The following CLSTN2 variants were observed in gnomAD, a reference collection of about 807,000 sequenced individuals.
The protein encoded by CLSTN2 is calsyntenin-2.
CLSTN2 carries 48 observed loss-of-function variants against 101.2 expected under a neutral mutation model. The observed-to-expected ratio is 0.47, with a 90% CI of 0.38 to 0.60. The LOEUF is 0.60. Among genes scored for constraint, CLSTN2 ranks in the 20% least tolerant of loss-of-function variants. The pLI is 0.00. For missense variants in CLSTN2, 1,160 were observed against 1,238.2 expected (o/e 0.94, Z 0.95); for synonymous variants, 481 against 463.6 (o/e 1.04, Z -0.48).
intron 1 of CLSTN2, among the ~76,000 whole-genome samples, chr3:140,138,868 G>GT (rs2009654839): frequency 6.6e-6 from 1 of 152,188 alleles, no homozygotes; most frequent in Non-Finnish European, 1.5e-5. Flanking sequence ...TTTTTAAGAG[G>GT]CAGTGTCGGC....
chr3:140,333,879 T>G (rs901757903), intron 2 of CLSTN2, among the ~76,000 whole-genome samples: 5 of 152,286 alleles, frequency 3.3e-5, no homozygotes, highest in Admixed American at 3.3e-4. Context: ...CAGCTCCATA[T>G]TCAGTCCTCT....
At chr3:140,012,377 A>G (rs1447722667) in intron 1 of CLSTN2, among the ~76,000 whole-genome samples, 1 of 152,168 alleles carries the variant, frequency 6.6e-6, no homozygotes, top group African/African-American at 2.4e-5. Context: ...CAATAAAAAC[A>G]TGTATTTATC....
intron 2 of CLSTN2, among the ~76,000 whole-genome samples, chr3:140,357,353 G>T (rs6779267): frequency 6.6e-6 from 1 of 151,996 alleles, no homozygotes; most frequent in Non-Finnish European, 1.5e-5. Context: ...CCAGAAAGAT[G>T]AACTCACCCT....
chr3:140,494,651 GC>G (rs1247898075), intron 8 of CLSTN2, among the ~76,000 whole-genome samples: 3 of 152,034 alleles, frequency 2.0e-5, no homozygotes, highest in African/African-American at 4.8e-5. Flanking sequence ...TGTGTGTTGT[GC>G]CCCCTAATGT....
At chr3:140,205,800 C>A (rs993275879) in intron 2 of CLSTN2, among the ~76,000 whole-genome samples, 3 of 152,172 alleles carry the variant, frequency 2.0e-5, no homozygotes, top group Non-Finnish European at 4.4e-5. Flanking sequence ...CCCTAAGGAG[C>A]TTTTACTCCC....
chr3:140,159,585 C>A (rs539465882), intron 1 of CLSTN2, among the ~76,000 whole-genome samples: 131 of 152,194 alleles, frequency 8.6e-4, no homozygotes, highest in African/African-American at 3.1e-3. Context: ...ATTAAATCAG[C>A]CACTGTGAAA....
At chr3:140,470,986 A>C (rs886728252) in intron 8 of CLSTN2, among the ~76,000 whole-genome samples, 1 of 152,178 alleles carries the variant, frequency 6.6e-6, no homozygotes, top group Admixed American at 6.5e-5. Flanking sequence ...TCTGCCCCGC[A>C]CCGCAGCAGG....
intron 2 of CLSTN2, among the ~76,000 whole-genome samples, chr3:140,209,314 A>G (rs937964507): frequency 4.6e-5 from 7 of 152,198 alleles, no homozygotes; most frequent in Non-Finnish European, 7.3e-5. Context: ...GGATCCAGGG[A>G]AGACAAGGAA....
intron 6 of CLSTN2, chr3:140,450,002 G>A (rs985818892): frequency 6.6e-6 from 1 of 152,378 alleles, no homozygotes; most frequent in African/African-American, 2.4e-5. Flanking sequence ...CAAGAAAGGA[G>A]GCAGGCCAGG....
rs62267936 is a variant in CLSTN2, at chr3:140,100,761, C to T, written c.110-75190C>T. Among the ~76,000 whole-genome samples, 600 of 152,276 alleles carry T rather than the reference C, an allele frequency of 3.9e-3. 1 individual carries two copies. The highest frequency in any genetic ancestry group is 6.5e-3 in the Non-Finnish European group (440 of 68,026). ...CTGTGAGGCTCACGTTCTAACACGC[C>T]GGGAGACGCATCATCAGCCAGAAGG... On this transcript the variant is annotated intron_variant, in intron 1 of 16. Coordinates refer to ENST00000458420, the MANE Select transcript of CLSTN2 (RefSeq NM_022131.3).
intron 5 of CLSTN2, among the ~76,000 whole-genome samples, chr3:140,441,203 A>G (rs2088759311): frequency 6.6e-6 from 1 of 152,182 alleles, no homozygotes; most frequent in Non-Finnish European, 1.5e-5. Context: ...CTCTGCACCA[A>G]CTGGCTGTGG....
In CLSTN2 at chr3:140,421,642, C is replaced by T. The variant is rs529266850; in HGVS notation, c.787+368C>T. On this transcript the variant is annotated intron_variant, in intron 5 of 16. Coordinates refer to ENST00000458420, the MANE Select transcript of CLSTN2 (RefSeq NM_022131.3). ...CTGATGCATTTCAAGTTTTGCATCACGGATCAACACCTGGGGAAAGTCGCC... is the reference window on the plus strand; with the variant it reads ...CTGATGCATTTCAAGTTTTGCATCATGGATCAACACCTGGGGAAAGTCGCC... 7.2e-5 allele frequency among the ~76,000 whole-genome samples: 11 copies of T among 152,252 alleles called. No individual in the cohort carries two copies. The East Asian group carries it at 7.7e-4, about 11-fold the overall frequency.
At chr3:140,002,711 C>A (rs945734408) in intron 1 of CLSTN2, among the ~76,000 whole-genome samples, 1 of 152,116 alleles carries the variant, frequency 6.6e-6, no homozygotes, top group Non-Finnish European at 1.5e-5. Flanking sequence ...ATTTTTAAGT[C>A]TTTAATCCAT....
chr3:140,334,764 G>A (rs1185059790), intron 2 of CLSTN2, among the ~76,000 whole-genome samples: 1 of 152,210 alleles, frequency 6.6e-6, no homozygotes, highest in Non-Finnish European at 1.5e-5. Flanking sequence ...CAGATAAGAT[G>A]AGCCTTGGAG....
At chr3:140,081,404 C>T (rs546440153) in intron 1 of CLSTN2, among the ~76,000 whole-genome samples, 2 of 152,280 alleles carry the variant, frequency 1.3e-5, no homozygotes, top group Admixed American at 6.5e-5. Context: ...TAGTATTCTG[C>T]GTGAAAAGTT....
intron 1 of CLSTN2, among the ~76,000 whole-genome samples, chr3:139,958,119 G>C (rs1323339104): frequency 6.6e-6 from 1 of 152,156 alleles, no homozygotes; most frequent in Non-Finnish European, 1.5e-5. Flanking sequence ...GGAGAAACTA[G>C]GGGCCAACTC....
At chr3:140,183,235 T>G (rs2010435394) in intron 2 of CLSTN2, among the ~76,000 whole-genome samples, 1 of 152,140 alleles carries the variant, frequency 6.6e-6, no homozygotes, top group Admixed American at 6.5e-5. Context: ...AGTGGATACT[T>G]TTGGGCCATT....
intron 1 of CLSTN2, among the ~76,000 whole-genome samples, chr3:140,136,283 G>C (rs546551645): frequency 6.6e-6 from 1 of 152,292 alleles, no homozygotes; most frequent in Admixed American, 6.5e-5. Context: ...TAGAGGATAG[G>C]CTGTAAAATT....
chr3:139,954,980 CTT>C (rs1935362566), intron 1 of CLSTN2, among the ~76,000 whole-genome samples: 1 of 151,378 alleles, frequency 6.6e-6, no homozygotes, highest in South Asian at 2.1e-4. Context: ...GTATCTTTTA[CTT>C]TTTTGACAGC....
Sources: gnomAD v4.1 joint callset for allele counts (sites outside exome capture counted in the v4.1 genomes callset) on GRCh38, gnomAD v4.1.1 for gene constraint, MANE v1.5 for transcripts, NCBI Gene and HGNC (gene_info 2026-07-23, HGNC 2026-07-21) for gene names.